IGSF21: variants seen among roughly 807,000 people sequenced by gnomAD.
IGSF21 encodes immunoglobin superfamily member 21.
Under a neutral mutation model 46.8 loss-of-function variants are expected in IGSF21, and 28 were observed. The ratio of observed to expected loss-of-function variants is 0.60; its 90% confidence interval spans 0.44 to 0.82. The LOEUF is 0.82. Among genes scored for constraint, IGSF21 ranks in the 40% least tolerant of loss-of-function variants. The pLI, the probability that IGSF21 is intolerant of heterozygous loss-of-function variation, is 0.00. For synonymous variants in IGSF21, 284 were observed against 273.6 expected, an observed-to-expected ratio of 1.04 and a Z score of -0.38; for missense variants, 624 against 665.5, an observed-to-expected ratio of 0.94 and a Z score of 0.69.
chr1:18,331,463 A>G (rs994901444), intron 3 of IGSF21, among the ~76,000 whole-genome samples: 7 of 152,220 alleles, frequency 4.6e-5, no homozygotes, highest in Non-Finnish European at 7.3e-5. Context: ...GCTGAATAGT[A>G]TTCCACGGTA....
intron 1 of IGSF21, among the ~76,000 whole-genome samples, chr1:18,201,555 A>T (rs2087075049): frequency 6.6e-6 from 1 of 152,172 alleles, no homozygotes; most frequent in East Asian, 1.9e-4. Flanking sequence ...ATGTCAACTC[A>T]GCCTCCTGGT....
intron 1 of IGSF21, among the ~76,000 whole-genome samples, chr1:18,164,343 T>G (rs1195942404): frequency 2.0e-5 from 3 of 151,964 alleles, no homozygotes; most frequent in Non-Finnish European, 4.4e-5. Context: ...GACCCCCTTC[T>G]TTCCTTCCTT....
intron 1 of IGSF21, among the ~76,000 whole-genome samples, chr1:18,156,638 T>G (rs931022673): frequency 1.3e-5 from 2 of 152,180 alleles, no homozygotes; most frequent in Non-Finnish European, 2.9e-5. Flanking sequence ...TCTCTCCTCT[T>G]AATTTAGCTC....
At chr1:18,228,154 G>A (rs1217666437) in intron 2 of IGSF21, 144 bp downstream of exon 2, 15 of 635,444 alleles carry the variant, frequency 2.4e-5, no homozygotes, top group African/African-American at 1.1e-4. Flanking sequence ...CTGGGTCCCC[G>A]CCCTCTGCTG....
intron 1 of IGSF21, among the ~76,000 whole-genome samples, chr1:18,132,468 G>A (rs2086330141): frequency 6.6e-6 from 1 of 152,232 alleles, no homozygotes; most frequent in Admixed American, 6.5e-5. Context: ...GGAAAGGTCA[G>A]TATTAGAATC....
chr1:18,269,614 C>T (rs960808158), intron 2 of IGSF21, among the ~76,000 whole-genome samples: 4 of 152,186 alleles, frequency 2.6e-5, no homozygotes, highest in African/African-American at 7.2e-5. Flanking sequence ...TCTCCACCAT[C>T]AGTCTGATGA....
chr1:18,376,308 A>G lies in IGSF21; in HGVS notation c.1016-2A>G. On this transcript the variant is annotated splice_acceptor_variant, in intron 6 of 9. Coordinates refer to ENST00000251296, the MANE Select transcript of IGSF21 (RefSeq NM_032880.5). LOFTEE classifies it high-confidence loss of function. ...TCTGACCTGGCCTTTCTCTCCCTACAGTTGCCCCCAAAGGACCCAAAATTG... is the reference window on the plus strand; with the variant it reads ...TCTGACCTGGCCTTTCTCTCCCTACGGTTGCCCCCAAAGGACCCAAAATTG... 6.2e-7 allele frequency: 1 copy of G among 1,609,798 alleles called. No homozygotes were observed. Among genetic ancestry groups the G allele is most frequent in the Non-Finnish European group, 8.5e-7 (1 of 1,176,226 alleles).
chr1:18,256,703 G>T lies in IGSF21; in HGVS notation c.183+28693G>T, dbSNP rs1480006721. ...AGGTTCACTGGGAAGGCTTTGAGCT[G>T]CTGCCGTTACCTCCTGGTACCATAT... On this transcript the variant is annotated intron_variant, in intron 2 of 9. Coordinates refer to ENST00000251296, the MANE Select transcript of IGSF21 (RefSeq NM_032880.5). 1.7e-4 allele frequency among the ~76,000 whole-genome samples: 26 copies of T among 152,190 alleles called. 1 individual carries two copies. The highest frequency in any genetic ancestry group is 1.7e-3 in the Admixed American group (26 of 15,276).
At chr1:18,272,076 A>G (rs949866182) in intron 2 of IGSF21, among the ~76,000 whole-genome samples, 3 of 152,244 alleles carry the variant, frequency 2.0e-5, no homozygotes, top group African/African-American at 7.2e-5. Context: ...GGGAAGCCTC[A>G]TAATCATGGC....
intron 3 of IGSF21, among the ~76,000 whole-genome samples, chr1:18,319,970 C>T (rs1277738647): frequency 1.3e-5 from 2 of 152,200 alleles, no homozygotes; most frequent in Non-Finnish European, 2.9e-5. Context: ...ACAGCTGTAT[C>T]CCTAGCACCT....
At chr1:18,184,586 TG>T (rs35904939) in intron 1 of IGSF21, among the ~76,000 whole-genome samples, 1 of 152,192 alleles carries the variant, frequency 6.6e-6, no homozygotes, top group African/African-American at 2.4e-5. Context: ...TCTTGCCCTT[TG>T]GGGAGGGTGC....
intron 1 of IGSF21, among the ~76,000 whole-genome samples, chr1:18,187,565 GA>G (rs377183536): frequency 1.5e-4 from 23 of 152,252 alleles, no homozygotes; most frequent in African/African-American, 5.5e-4. Context: ...CAGTATGGGG[GA>G]AACCACTCCT....
chr1:18,141,603 G>A (rs1408348617), intron 1 of IGSF21, among the ~76,000 whole-genome samples: 2 of 152,278 alleles, frequency 1.3e-5, no homozygotes, highest in East Asian at 1.9e-4. Flanking sequence ...GGGACCTGGA[G>A]AGCTAATTCT....
chr1:18,202,344 C>T (rs767819334), intron 1 of IGSF21, among the ~76,000 whole-genome samples: 3 of 152,204 alleles, frequency 2.0e-5, no homozygotes, highest in Non-Finnish European at 4.4e-5. Flanking sequence ...TCTTCTTTGT[C>T]TTTCCTTGGG....
intron 2 of IGSF21, among the ~76,000 whole-genome samples, chr1:18,273,005 CTCCAA>C (rs1008517931): frequency 1.3e-5 from 2 of 149,712 alleles, no homozygotes; most frequent in African/African-American, 4.9e-5. Flanking sequence ...CCACTGGGCC[CTCCAA>C]TCCCTTCTCC....
intron 1 of IGSF21, among the ~76,000 whole-genome samples, chr1:18,213,175 C>G (rs1370518454): frequency 6.6e-6 from 1 of 152,218 alleles, no homozygotes; most frequent in Non-Finnish European, 1.5e-5. Flanking sequence ...AACAGTATGG[C>G]CAGACCCACT....
At chr1:18,271,906 C>G (rs2085046407) in intron 2 of IGSF21, among the ~76,000 whole-genome samples, 1 of 152,132 alleles carries the variant, frequency 6.6e-6, no homozygotes, top group Non-Finnish European at 1.5e-5. Flanking sequence ...GATGGACCAA[C>G]AGGGTGTCAT....
Position 18,206,080 on chromosome 1 carries a change from G to A in IGSF21, c.71-21818G>A, listed in dbSNP as rs115467413. ...CAAGGGGTAGATAAATTTTAAATAT[G>A]GTGTCAGGCAAAGATGTAGTGCTGT... On this transcript the variant is annotated intron_variant, in intron 1 of 9. Coordinates refer to ENST00000251296, the MANE Select transcript of IGSF21 (RefSeq NM_032880.5). Among the ~76,000 whole-genome samples, 892 of 152,312 alleles carry A rather than the reference G, an allele frequency of 5.9e-3. 11 individuals carry two copies. Among genetic ancestry groups the A allele is most frequent in the African/African-American group, 0.02 (835 of 41,560 alleles).
chr1:18,237,670 A>G (rs557503920), intron 2 of IGSF21, among the ~76,000 whole-genome samples: 1 of 152,216 alleles, frequency 6.6e-6, no homozygotes, highest in Middle Eastern at 3.2e-3. Context: ...CGTTTTGTAC[A>G]TTCTTCAATT....
Sources: allele counts gnomAD v4.1 joint callset (sites outside exome capture counted in the v4.1 genomes callset), GRCh38; gene constraint gnomAD v4.1.1; transcripts MANE v1.5; gene names NCBI Gene and HGNC (gene_info 2026-07-23, HGNC 2026-07-21).